The following CACNA2D3 variants were observed in gnomAD, a reference collection of about 807,000 sequenced individuals.
CACNA2D3 encodes the protein calcium voltage-gated channel auxiliary subunit alpha2delta 3.
CACNA2D3 carries 60 observed loss-of-function variants against 160.6 expected under a neutral mutation model. That is an observed-to-expected ratio of 0.37 (90% CI 0.30 to 0.46). The LOEUF (loss-of-function observed/expected upper bound fraction) is 0.46, where lower values mean the gene tolerates loss of function less well. Ranked by LOEUF, CACNA2D3 falls within the 20% of genes least tolerant of loss-of-function variation. The probability of loss-of-function intolerance (pLI) is 1.00; values close to 1 mark genes in which losing one functional copy is unlikely to be tolerated. For synonymous variants in CACNA2D3, 558 were observed against 492.9 expected (o/e 1.13, Z -1.75); for missense variants, 1,205 against 1,365.0 (o/e 0.88, Z 1.85).
chr3:54,810,906 A>ATT (rs1703290392), intron 13 of CACNA2D3, among the ~76,000 whole-genome samples: 1 of 152,158 alleles, frequency 6.6e-6, no homozygotes, highest in Non-Finnish European at 1.5e-5. Flanking sequence ...TTTTTGAAAT[A>ATT]CCTTTATCAG....
At chr3:54,173,116 A>G (rs1700607843) in intron 2 of CACNA2D3, among the ~76,000 whole-genome samples, 3 of 152,166 alleles carry the variant, frequency 2.0e-5, no homozygotes, top group Admixed American at 6.5e-5. Context: ...CCATTCCTCC[A>G]CCTTGGGAGA....
rs1700208964 is a variant in CACNA2D3, at chr3:54,897,082, T to C, written c.2368+212T>C. ...GGAAGGTTTTTCCTTTACCAAATTATGTAAATGTATTTCAGGAAGCAGGGC... is the reference window on the plus strand; with the variant it reads ...GGAAGGTTTTTCCTTTACCAAATTACGTAAATGTATTTCAGGAAGCAGGGC... On this transcript the variant is annotated intron_variant, in intron 26 of 37. Transcript: ENST00000474759. 7.9e-6 allele frequency: 4 copies of C among 506,872 alleles called. No homozygotes were observed. In the East Asian group the frequency reaches 1.2e-4, roughly 16 times the overall value. 31.4% of individuals were successfully genotyped at this position (506,872 alleles called of 1,614,324 possible). A position where few individuals can be genotyped will look rare whatever the true frequency, so the allele number is the denominator to read the frequency against.
rs543277739 is a variant in CACNA2D3 at position 55,069,637 on chromosome 3, A to G, written c.2988-3808A>G. On this transcript the variant is annotated intron_variant, in intron 35 of 37. Coordinates refer to ENST00000474759, the MANE Select transcript of CACNA2D3 (RefSeq NM_018398.3). ...GTTCTAGTAGTTGGTCAGTGGGTTC[A>G]TGTGGGTTTTCTATGAACACAGCAA... Among the ~76,000 whole-genome samples the G allele has an allele frequency of 1.2e-3, 186 of 152,288 alleles. 1 individual carries two copies. Among genetic ancestry groups the G allele is most frequent in the Middle Eastern group, 0.01 (3 of 294 alleles).
At chr3:54,888,329 G>T (rs572899670) in intron 24 of CACNA2D3, among the ~76,000 whole-genome samples, 1 of 152,296 alleles carries the variant, frequency 6.6e-6, no homozygotes, top group East Asian at 1.9e-4. Context: ...GAGGCGGAAG[G>T]GAACTTCGTT....
intron 9 of CACNA2D3, among the ~76,000 whole-genome samples, chr3:54,595,852 C>A: frequency 6.6e-6 from 1 of 152,122 alleles, no homozygotes; most frequent in East Asian, 1.9e-4. Context: ...TATACCTTAT[C>A]ATAAATGTTC....
At chr3:54,135,335 G>A (rs1490985849) in intron 2 of CACNA2D3, among the ~76,000 whole-genome samples, 1 of 152,320 alleles carries the variant, frequency 6.6e-6, no homozygotes, top group Admixed American at 6.5e-5. Flanking sequence ...CCTGCATGGG[G>A]CCTGTCAGGC....
intron 3 of CACNA2D3, among the ~76,000 whole-genome samples, chr3:54,364,491 A>G (rs1340815079): frequency 6.6e-6 from 1 of 152,220 alleles, no homozygotes; most frequent in Non-Finnish European, 1.5e-5. Context: ...GCAATTTTAT[A>G]TTGAGCTGTG....
chr3:54,331,050 C>T (rs1045171842), intron 3 of CACNA2D3, among the ~76,000 whole-genome samples: 1 of 152,092 alleles, frequency 6.6e-6, no homozygotes, highest in Non-Finnish European at 1.5e-5. Flanking sequence ...CATTCATTTT[C>T]ATGGGAATTT....
chr3:54,328,501 C>T (rs1052904386), intron 3 of CACNA2D3, among the ~76,000 whole-genome samples: 9 of 152,188 alleles, frequency 5.9e-5, no homozygotes, highest in East Asian at 3.9e-4. Context: ...GGGCTGGTCT[C>T]GAACTCCTGA....
chr3:54,988,105 C>G lies in CACNA2D3; in HGVS notation c.2690+352C>G, dbSNP rs533464669. ...GCCGGAAGGGTGGAGTGTATTTTGTCTCCTATTGATTAACCTGGGAAGCTC... is the reference window on the plus strand; with the variant it reads ...GCCGGAAGGGTGGAGTGTATTTTGTGTCCTATTGATTAACCTGGGAAGCTC... On this transcript the variant is annotated intron_variant, in intron 31 of 37. Transcript: ENST00000474759. Among the ~76,000 whole-genome samples the G allele has an allele frequency of 7.9e-5, 12 of 152,278 alleles. 1 individual carries two copies. The highest frequency in any genetic ancestry group is 5.2e-4 in the Admixed American group (8 of 15,302).
At chr3:54,796,127 G>C (rs1469373600) in intron 13 of CACNA2D3, among the ~76,000 whole-genome samples, 1 of 152,110 alleles carries the variant, frequency 6.6e-6, no homozygotes, top group East Asian at 1.9e-4. Flanking sequence ...TCTACAAGGA[G>C]ACCACTTCAT....
chr3:54,575,054 T>G (rs1269634801), intron 8 of CACNA2D3, among the ~76,000 whole-genome samples: 1 of 152,238 alleles, frequency 6.6e-6, no homozygotes, highest in African/African-American at 2.4e-5. Context: ...TACTACTAAT[T>G]GTGTCCAGTT....
intron 11 of CACNA2D3, among the ~76,000 whole-genome samples, chr3:54,694,978 G>T (rs1700637762): frequency 6.6e-6 from 1 of 152,006 alleles, no homozygotes; most frequent in South Asian, 2.1e-4. Context: ...TTTATCTTGA[G>T]CCTTCTTCCC....
At chr3:54,317,888 C>T (rs545299603) in intron 2 of CACNA2D3, among the ~76,000 whole-genome samples, 1 of 152,310 alleles carries the variant, frequency 6.6e-6, no homozygotes, top group South Asian at 2.1e-4. Context: ...TTACCTACTC[C>T]TGTGATAACA....
chr3:54,563,947 C>T (rs541357053), intron 6 of CACNA2D3, among the ~76,000 whole-genome samples: 233 of 152,284 alleles, frequency 1.5e-3, no homozygotes, highest in African/African-American at 5.1e-3. Context: ...GCATGGCACA[C>T]GTGCTTCCTC....
intron 4 of CACNA2D3, among the ~76,000 whole-genome samples, chr3:54,498,167 C>A (rs941155540): frequency 6.6e-6 from 1 of 150,548 alleles, no homozygotes; most frequent in Non-Finnish European, 1.5e-5. Context: ...GTATTTTTTT[C>A]TCATATATTT....
intron 21 of CACNA2D3, among the ~76,000 whole-genome samples, chr3:54,884,186 G>A (rs564213819): frequency 6.6e-6 from 1 of 152,260 alleles, no homozygotes; most frequent in African/African-American, 2.4e-5. Flanking sequence ...TTGTACTAGG[G>A]ACTAATCCCT....
rs76828990 is a variant in CACNA2D3 at position 55,026,014 on chromosome 3, T to G, written c.2987+7697T>G. ...AGTGTCCAAACTGTAAGTTTGCAGC[T>G]TGATTAATTTGCACAAAGTGAATAT... On this transcript the variant is annotated intron_variant, in intron 35 of 37. Coordinates refer to ENST00000474759, the MANE Select transcript of CACNA2D3 (RefSeq NM_018398.3). Among the ~76,000 whole-genome samples the G allele has an allele frequency of 8.5e-3, 1,287 of 152,120 alleles. 21 individuals are homozygous for G. Among genetic ancestry groups the G allele is most frequent in the African/African-American group, 0.029 (1,212 of 41,484 alleles).
rs79291091 is a variant in CACNA2D3, at chr3:55,017,415, G to A, written c.2876-791G>A. 9.7e-3 allele frequency among the ~76,000 whole-genome samples: 1,479 copies of A among 152,146 alleles called. 16 individuals carry two copies. Among genetic ancestry groups the A allele is most frequent in the African/African-American group, 0.031 (1,286 of 41,506 alleles). On this transcript the variant is annotated intron_variant, in intron 34 of 37. Coordinates refer to ENST00000474759, the MANE Select transcript of CACNA2D3 (RefSeq NM_018398.3). Reference sequence around the variant, plus strand: ...AAAATGGCTTCATTAGAATGCTACCGTTATCTTTGTTGTTGTTGCTATTAT... The same window carrying A: ...AAAATGGCTTCATTAGAATGCTACCATTATCTTTGTTGTTGTTGCTATTAT...
Sources: gnomAD v4.1 joint callset for allele counts (sites outside exome capture counted in the v4.1 genomes callset) on GRCh38, gnomAD v4.1.1 for gene constraint, MANE v1.5 for transcripts, NCBI Gene and HGNC (gene_info 2026-07-23, HGNC 2026-07-21) for gene names.